Variants in GRIN2A observed in about 807,000 individuals in gnomAD.
GRIN2A encodes the protein glutamate ionotropic receptor NMDA type subunit 2A.
GRIN2A carries 22 observed loss-of-function variants against 113.4 expected under a neutral mutation model. The observed-to-expected ratio is 0.19, with a 90% CI of 0.14 to 0.28. The LOEUF (loss-of-function observed/expected upper bound fraction) is 0.28, where lower values mean the gene tolerates loss of function less well. GRIN2A is among the 10% of genes least tolerant of loss of function. The pLI, the probability that GRIN2A is intolerant of heterozygous loss-of-function variation, is 1.00. For missense variants in GRIN2A, 1,502 were observed against 1,887.0 expected, an observed-to-expected ratio of 0.80 and a Z score of 3.78; for synonymous variants, 827 against 738.4, an observed-to-expected ratio of 1.12 and a Z score of -1.94.
At chr16:10,068,656 A>G (rs1397694439) in intron 2 of GRIN2A, among the ~76,000 whole-genome samples, 2 of 152,236 alleles carry the variant, frequency 1.3e-5, no homozygotes, top group Non-Finnish European at 2.9e-5. Context: ...TGGGCAAGAC[A>G]TCCAAACCTT....
At chr16:9,774,848 G>C (rs1008856874) in intron 11 of GRIN2A, among the ~76,000 whole-genome samples, 4 of 152,316 alleles carry the variant, frequency 2.6e-5, no homozygotes, top group Admixed American at 2.6e-4. Flanking sequence ...GGGAAGCTGG[G>C]GGGTGGGATG....
chr16:9,794,445 ATAAT>A (rs1277183568), intron 11 of GRIN2A, among the ~76,000 whole-genome samples: 11 of 152,242 alleles, frequency 7.2e-5, no homozygotes, highest in Non-Finnish European at 1.5e-4. Flanking sequence ...ATTTTAGAGC[ATAAT>A]TAATCCTGCT....
intron 2 of GRIN2A, among the ~76,000 whole-genome samples, chr16:10,113,132 G>A (rs1397241821): frequency 6.6e-6 from 1 of 151,882 alleles, no homozygotes; most frequent in Non-Finnish European, 1.5e-5. Context: ...AGGCTCTCAG[G>A]CCCTGCGCCT....
intron 2 of GRIN2A, among the ~76,000 whole-genome samples, chr16:10,022,875 G>A (rs1443557586): frequency 6.6e-6 from 1 of 152,148 alleles, no homozygotes; most frequent in Non-Finnish European, 1.5e-5. Context: ...AACTGAAAAT[G>A]TGGTCTAAGA....
chr16:10,003,639 C>A (rs147303222), intron 2 of GRIN2A, among the ~76,000 whole-genome samples: 1 of 152,144 alleles, frequency 6.6e-6, no homozygotes, highest in African/African-American at 2.4e-5. Flanking sequence ...CCACTTTATA[C>A]GAATGACATG....
intron 2 of GRIN2A, among the ~76,000 whole-genome samples, chr16:10,060,582 T>C (rs2047534747): frequency 6.6e-6 from 1 of 152,252 alleles, no homozygotes; most frequent in South Asian, 2.1e-4. Context: ...CTAAAAACTG[T>C]TCCTAGTGCT....
intron 10 of GRIN2A, chr16:9,805,454 T>C (rs1393214663): frequency 1.3e-5 from 2 of 152,192 alleles, no homozygotes; most frequent in Non-Finnish European, 2.9e-5. Context: ...ATCTCTTTGA[T>C]GATAACTGAA....
At chr16:9,944,563 G>A (rs1394392945) in intron 2 of GRIN2A, among the ~76,000 whole-genome samples, 1 of 152,130 alleles carries the variant, frequency 6.6e-6, no homozygotes, top group Non-Finnish European at 1.5e-5. Flanking sequence ...CATACAGTGG[G>A]ATGTCTTATT....
intron 2 of GRIN2A, among the ~76,000 whole-genome samples, chr16:10,162,304 C>T (rs2049822921): frequency 6.6e-6 from 1 of 152,108 alleles, no homozygotes; most frequent in African/African-American, 2.4e-5. Flanking sequence ...TGTCTTGACT[C>T]CACTGAGGCT....
Position 10,164,436 on chromosome 16 carries a change from C to T in GRIN2A, c.414+15562G>A, listed in dbSNP as rs111610731. ...TAGAGAAAGGAACAAACAAGGGCTTCCCATCCCTACCGTTCCCCACAAAGC... is the reference window on the plus strand; with the variant it reads ...TAGAGAAAGGAACAAACAAGGGCTTTCCATCCCTACCGTTCCCCACAAAGC... On this transcript the variant is annotated intron_variant, in intron 2 of 12. Coordinates refer to ENST00000330684, the MANE Select transcript of GRIN2A (RefSeq NM_001134407.3). Among the ~76,000 whole-genome samples, 1,123 of 152,334 alleles carry T rather than the reference C, an allele frequency of 7.4e-3. 8 individuals are homozygous for T. Among genetic ancestry groups the T allele is most frequent in the Middle Eastern group, 0.017 (5 of 294 alleles).
intron 2 of GRIN2A, among the ~76,000 whole-genome samples, chr16:10,046,839 C>T (rs1347982862): frequency 3.9e-5 from 6 of 152,218 alleles, no homozygotes; most frequent in Admixed American, 1.3e-4. Flanking sequence ...GGCACGTCTA[C>T]ATATTCACCA....
intron 3 of GRIN2A, among the ~76,000 whole-genome samples, chr16:9,892,699 C>T (rs1459023352): frequency 1.3e-5 from 2 of 152,108 alleles, no homozygotes; most frequent in Non-Finnish European, 2.9e-5. Flanking sequence ...CTCAGAGAGC[C>T]AAGGCAGACT....
chr16:10,077,875 C>T (rs1181395533), intron 2 of GRIN2A, among the ~76,000 whole-genome samples: 1 of 152,190 alleles, frequency 6.6e-6, no homozygotes, highest in Admixed American at 6.5e-5. Flanking sequence ...CCTTCCGTGG[C>T]ATCATATTTA....
chr16:10,150,398 G>T (rs1326787680), intron 2 of GRIN2A, among the ~76,000 whole-genome samples: 1 of 152,168 alleles, frequency 6.6e-6, no homozygotes, highest in Non-Finnish European at 1.5e-5. Flanking sequence ...AAGGGTTAGA[G>T]TAGAAGGAAC....
rs560057284 is a variant in GRIN2A, at chr16:9,764,480, G to T, written c.3064C>A (p.Arg1022Ser). ...QLWKKSVDSI[R>S]QDSLSQNPVS... is the part of the protein sequence containing the mutation. ...GGATTCTGGGATAGTGAATCCTGGC[G>T]TATGGAATCCACGGATTTCTTCCAC... Residue 1022 changes from arginine (R) to serine (S), a missense_variant, in exon 13 of 13, where the codon CGC becomes AGC. Around this residue, in one of 7 missense-constraint regions of GRIN2A, gnomAD observed 832 missense variants for 789.7 expected, o/e 1.05. Coordinates refer to ENST00000330684, the MANE Select transcript of GRIN2A (RefSeq NM_001134407.3). 1.2e-6 allele frequency: 2 copies of T among 1,614,078 alleles called. No homozygotes were observed. The highest frequency in any genetic ancestry group is 1.7e-6 in the Non-Finnish European group (2 of 1,179,998).
intron 2 of GRIN2A, among the ~76,000 whole-genome samples, chr16:10,077,699 C>T (rs944506947): frequency 1.3e-5 from 2 of 152,250 alleles, no homozygotes; most frequent in African/African-American, 4.8e-5. Flanking sequence ...CTTCCATCCC[C>T]AAGCCAGCTT....
At chr16:9,974,321 T>G (rs560333174) in intron 2 of GRIN2A, among the ~76,000 whole-genome samples, 1 of 152,266 alleles carries the variant, frequency 6.6e-6, no homozygotes, top group South Asian at 2.1e-4. Context: ...AGCCTGGTAG[T>G]TAAAGATCGA....
intron 2 of GRIN2A, among the ~76,000 whole-genome samples, chr16:10,062,728 G>A (rs552780340): frequency 7.2e-5 from 11 of 152,230 alleles, no homozygotes; most frequent in African/African-American, 2.2e-4. Context: ...AGTTGCGTGT[G>A]ATGGCATATG....
intron 3 of GRIN2A, among the ~76,000 whole-genome samples, chr16:9,932,671 C>T (rs1567183335): frequency 6.6e-6 from 1 of 152,068 alleles, no homozygotes; most frequent in Non-Finnish European, 1.5e-5. Context: ...GTATGAGCCA[C>T]CACGCCCGGC....
Sources: allele counts gnomAD v4.1 joint callset (sites outside exome capture counted in the v4.1 genomes callset), GRCh38; gene constraint gnomAD v4.1.1; regional missense constraint gnomAD v4.1.1; transcripts MANE v1.5; gene names NCBI Gene and HGNC (gene_info 2026-07-23, HGNC 2026-07-21).